Variants in MYO9A observed in about 807,000 individuals in gnomAD.
MYO9A encodes the protein unconventional myosin-IXa.
In MYO9A, 103 loss-of-function variants were observed where a neutral mutation model predicts 293.3. The observed-to-expected ratio is 0.35, with a 90% CI of 0.30 to 0.41. The LOEUF (loss-of-function observed/expected upper bound fraction) is 0.41, where lower values mean the gene tolerates loss of function less well. Ranked by LOEUF, MYO9A falls within the 10% of genes least tolerant of loss-of-function variation. The pLI is 1.00. For missense variants in MYO9A, 2,685 were observed against 3,033.0 expected (o/e 0.89, Z 2.69); for synonymous variants, 1,001 against 1,035.7 (o/e 0.97, Z 0.64).
At chr15:72,101,343 C>T (rs1340413015) in intron 1 of MYO9A, among the ~76,000 whole-genome samples, 1 of 100,712 alleles carries the variant, frequency 9.9e-6, no homozygotes, top group Non-Finnish European at 2.2e-5. Context: ...GAGGTCGGGG[C>T]GTCAGCCTCC....
At chr15:71,943,714 A>ACAAT (rs1446745577) in intron 15 of MYO9A, among the ~76,000 whole-genome samples, 1 of 152,086 alleles carries the variant, frequency 6.6e-6, no homozygotes, top group Non-Finnish European at 1.5e-5. Context: ...ATGGGTAAAG[A>ACAAT]CAATCACTAA....
chr15:72,100,989 T>C (rs55999839), intron 1 of MYO9A, among the ~76,000 whole-genome samples: 115,937 of 124,150 alleles, frequency 0.93, 54,540 homozygotes, highest in East Asian at 0.99. Flanking sequence ...GCCCCCCGCC[T>C]GGCCAGCCGC....
At chr15:71,964,901 G>T (rs1287903946) in intron 13 of MYO9A, among the ~76,000 whole-genome samples, 2 of 151,690 alleles carry the variant, frequency 1.3e-5, no homozygotes, top group Non-Finnish European at 2.9e-5. Context: ...GTTGCAGTAC[G>T]CCAAGATCGC....
chr15:71,982,166 C>A (rs1240327112), intron 11 of MYO9A, among the ~76,000 whole-genome samples: 2 of 151,568 alleles, frequency 1.3e-5, no homozygotes, highest in African/African-American at 4.9e-5. Context: ...ACTACAGGGG[C>A]CTGCCACCAT....
chr15:71,977,807 G>A (rs982103664), intron 12 of MYO9A, among the ~76,000 whole-genome samples: 6 of 152,174 alleles, frequency 3.9e-5, no homozygotes, highest in African/African-American at 7.2e-5. Context: ...GGAGGCCAAG[G>A]CAGGTGGATC....
chr15:72,114,906 ACCT>A (rs2080913447), intron 1 of MYO9A, among the ~76,000 whole-genome samples: 1 of 152,332 alleles, frequency 6.6e-6, no homozygotes, highest in East Asian at 1.9e-4. Context: ...ATATTTTCAA[ACCT>A]CCTACATTTC....
At chr15:71,969,048 C>T (rs558291479) in intron 12 of MYO9A, among the ~76,000 whole-genome samples, 54 of 152,266 alleles carry the variant, frequency 3.5e-4, no homozygotes, top group African/African-American at 1.3e-3. Flanking sequence ...GTTTACATTA[C>T]GCATTCTATC....
intron 39 of MYO9A, among the ~76,000 whole-genome samples, chr15:71,836,752 G>T (rs2140887854): frequency 6.6e-6 from 1 of 152,124 alleles, no homozygotes; most frequent in East Asian, 1.9e-4. Context: ...TCAAAGTTAG[G>T]TAAAGCAAAA....
At chr15:71,926,881 G>A (rs982417747) in intron 18 of MYO9A, among the ~76,000 whole-genome samples, 1 of 152,052 alleles carries the variant, frequency 6.6e-6, no homozygotes, top group Non-Finnish European at 1.5e-5. Flanking sequence ...GGCATCATTG[G>A]ATACACACCA....
At chr15:71,957,498 C>T (rs567252442) in intron 14 of MYO9A, among the ~76,000 whole-genome samples, 5 of 151,268 alleles carry the variant, frequency 3.3e-5, no homozygotes, top group Non-Finnish European at 5.9e-5. Context: ...TTTTTTTTAA[C>T]AAAAGTTTAT....
At chr15:71,905,088 G>T in intron 19 of MYO9A, 82 bp from the exon 20 acceptor site, 1 of 1,219,700 alleles carries the variant, frequency 8.2e-7, no homozygotes, top group Non-Finnish European at 1.1e-6. Context: ...TCAACATGCT[G>T]GCAAAACATT....
chr15:72,050,330 C>G (rs577068441), intron 1 of MYO9A, among the ~76,000 whole-genome samples: 2 of 152,162 alleles, frequency 1.3e-5, no homozygotes, highest in East Asian at 3.9e-4. Flanking sequence ...CATTACCAGC[C>G]GGGTGCGGTG....
rs780650521 is a variant in MYO9A, at chr15:71,851,287, T to A, written c.6547A>T (p.Asn2183Tyr). Residue 2183 changes from asparagine (N) to tyrosine (Y), a missense_variant, in exon 37 of 42, where the codon AAT becomes TAT. Physicochemically the swap from Asn to Tyr is moderately radical, Grantham distance 143. This residue lies in a region of MYO9A where 238 missense variants were observed against 269.1 expected (regional missense o/e 0.88). Coordinates refer to ENST00000356056, the MANE Select transcript of MYO9A (RefSeq NM_006901.4). The part of the protein sequence containing the change: ...VIDQLSRTHL[N>Y]TLERLIFHLV... ...TGAAAGATGAGGCGTTCCAGTGTAT[T>A]GAGATGAGTTCGGGAGAGTTGATCA... The A allele has an allele frequency of 5.6e-6, 9 of 1,613,932 alleles. No homozygotes were observed. The African/African-American group carries it at 1.2e-4, about 22-fold the overall frequency.
intron 1 of MYO9A, among the ~76,000 whole-genome samples, chr15:72,062,127 G>A (rs2078895574): frequency 1.3e-5 from 2 of 152,224 alleles, no homozygotes; most frequent in Admixed American, 6.5e-5. Context: ...AAGCCACAGT[G>A]TTACTGGGGC....
intron 1 of MYO9A, among the ~76,000 whole-genome samples, chr15:72,100,959 G>A (rs1454448103): frequency 1.5e-5 from 2 of 134,906 alleles, no homozygotes; most frequent in Non-Finnish European, 3.3e-5. Flanking sequence ...GCCGCGTCCC[G>A]GAGGGAGGTG....
chr15:71,826,534 A>C lies in MYO9A; in HGVS notation c.*46T>G. On this transcript the variant is annotated 3_prime_UTR_variant, in exon 42 of 42. Coordinates refer to ENST00000356056, the MANE Select transcript of MYO9A (RefSeq NM_006901.4). ...GATGAAACGCAGCCCCAAAGGTGAG[A>C]TTTGTTTACCACTCTGTAGCCACGG... 6.6e-7 allele frequency: 1 copy of C among 1,517,668 alleles called. No individual in the cohort carries two copies. The allele number at this position is 1,517,668 out of a possible 1,614,324, so 94.0% of individuals were successfully genotyped here.
chr15:71,832,893 A>G (rs960969997), intron 39 of MYO9A, among the ~76,000 whole-genome samples: 2 of 152,200 alleles, frequency 1.3e-5, no homozygotes, highest in Non-Finnish European at 2.9e-5. Context: ...AAACACCTGT[A>G]TTATCTGGGA....
chr15:71,854,120 A>G (rs761544334), intron 35 of MYO9A, among the ~76,000 whole-genome samples: 7 of 152,220 alleles, frequency 4.6e-5, no homozygotes, highest in Admixed American at 2.6e-4. Flanking sequence ...AGGTATCACA[A>G]TCTTACTAAA....
intron 1 of MYO9A, among the ~76,000 whole-genome samples, chr15:72,059,139 G>A (rs1164053197): frequency 2.6e-5 from 4 of 152,188 alleles, no homozygotes; most frequent in Non-Finnish European, 1.5e-5. Context: ...ATTTGCAACA[G>A]AAAGCTCTGT....
Sources: allele counts gnomAD v4.1 joint callset (sites outside exome capture counted in the v4.1 genomes callset), GRCh38; gene constraint gnomAD v4.1.1; regional missense constraint gnomAD v4.1.1; transcripts MANE v1.5; gene names NCBI Gene and HGNC (gene_info 2026-07-23, HGNC 2026-07-21).